The following VPS13B variants were observed in gnomAD, a reference collection of about 807,000 sequenced individuals.
VPS13B encodes the protein vacuolar protein sorting 13 homolog B.
Under a neutral mutation model 426.4 loss-of-function variants are expected in VPS13B, and 285 were observed. The ratio of observed to expected loss-of-function variants is 0.67; its 90% CI spans 0.61 to 0.74. The LOEUF (loss-of-function observed/expected upper bound fraction) is 0.74. Among genes scored for constraint, VPS13B ranks in the 30% least tolerant of loss-of-function variants. The pLI, the probability that VPS13B is intolerant of heterozygous loss-of-function variation, is 0.00. For missense variants in VPS13B, 4,537 were observed against 4,782.6 expected, an observed-to-expected ratio of 0.95 and a Z score of 1.51; for synonymous variants, 1,676 against 1,676.4, an observed-to-expected ratio of 1.00 and a Z score of 0.01.
chr8:99,497,115 ATATT>A (rs1226134008), intron 25 of VPS13B, among the ~76,000 whole-genome samples: 1 of 126,596 alleles, frequency 7.9e-6, no homozygotes, highest in East Asian at 2.1e-4. Flanking sequence ...ATATAAAAAT[ATATT>A]TATATATTTC....
At chr8:99,119,108 G>A (rs1200052404) in intron 7 of VPS13B, among the ~76,000 whole-genome samples, 1 of 151,890 alleles carries the variant, frequency 6.6e-6, no homozygotes, top group Non-Finnish European at 1.5e-5. Context: ...TTTTTAATTT[G>A]CATTTTTTGA....
intron 3 of VPS13B, among the ~76,000 whole-genome samples, chr8:99,084,782 C>T (rs1334149107): frequency 6.6e-6 from 1 of 152,156 alleles, no homozygotes; most frequent in Non-Finnish European, 1.5e-5. Flanking sequence ...GTTTCTGAAT[C>T]CTGAGTTCTA....
intron 17 of VPS13B, among the ~76,000 whole-genome samples, chr8:99,243,279 A>G (rs147230197): frequency 6.6e-6 from 1 of 152,338 alleles, no homozygotes; most frequent in Non-Finnish European, 1.5e-5. Context: ...GAGACAGACA[A>G]AATTCTAGCC....
chr8:99,029,486 T>C (rs964499311), intron 2 of VPS13B, among the ~76,000 whole-genome samples: 3 of 151,884 alleles, frequency 2.0e-5, no homozygotes, highest in African/African-American at 7.3e-5. Context: ...TGGGCACCAT[T>C]GAGCACTGAG....
chr8:99,263,730 C>T (rs937426694), intron 17 of VPS13B, among the ~76,000 whole-genome samples: 2 of 152,150 alleles, frequency 1.3e-5, no homozygotes, highest in African/African-American at 4.8e-5. Context: ...CTAGGATCAT[C>T]TCCCTATTTC....
intron 19 of VPS13B, among the ~76,000 whole-genome samples, chr8:99,333,260 T>C (rs1810643135): frequency 6.6e-6 from 1 of 151,734 alleles, no homozygotes; most frequent in Non-Finnish European, 1.5e-5. Flanking sequence ...TGGAGAAAGA[T>C]GTGCATGAAA....
chr8:99,620,041 C>T (rs900642900), intron 33 of VPS13B, among the ~76,000 whole-genome samples: 2 of 151,702 alleles, frequency 1.3e-5, no homozygotes, highest in African/African-American at 4.8e-5. Flanking sequence ...CCTGCTGAGG[C>T]CTGTGCTATC....
chr8:99,116,485 G>A (rs530520509), intron 7 of VPS13B, among the ~76,000 whole-genome samples: 4 of 152,290 alleles, frequency 2.6e-5, no homozygotes, highest in African/African-American at 9.6e-5. Context: ...CCAGGCTGGA[G>A]TGCAGTGGCA....
intron 25 of VPS13B, among the ~76,000 whole-genome samples, chr8:99,500,894 G>A (rs1821195738): frequency 6.6e-6 from 1 of 152,134 alleles, no homozygotes. Context: ...CCTGCTAAAA[G>A]CTGCTGAAAA....
intron 2 of VPS13B, among the ~76,000 whole-genome samples, chr8:99,028,982 G>T (rs1414164639): frequency 2.0e-5 from 3 of 150,448 alleles, no homozygotes; most frequent in African/African-American, 7.3e-5. Flanking sequence ...CTTCTCAGAC[G>T]GGGCGGCTGC....
chr8:99,018,741 T>G (rs1402589235), intron 2 of VPS13B, among the ~76,000 whole-genome samples: 2 of 151,680 alleles, frequency 1.3e-5, no homozygotes, highest in Non-Finnish European at 2.9e-5. Flanking sequence ...TAAATAACCT[T>G]TACTGAGTTG....
chr8:99,204,416 A>T (rs1431684876), intron 17 of VPS13B, among the ~76,000 whole-genome samples: 1 of 152,118 alleles, frequency 6.6e-6, no homozygotes, highest in Non-Finnish European at 1.5e-5. Context: ...CTAGAAGAAA[A>T]CCTAGGCAAT....
rs1004849916 is a variant in VPS13B at position 99,300,887 on chromosome 8, T to G, written c.2824+25633T>G. On this transcript the variant is annotated intron_variant, in intron 19 of 61. Coordinates refer to ENST00000357162, the MANE Select transcript of VPS13B (RefSeq NM_152564.5). ...ATCAGATTATTTAATATAGTTTTTT[T>G]TTTTTTTTTTTTGGTAAACCAAGTT... Among the ~76,000 whole-genome samples the G allele has an allele frequency of 3.3e-5, 5 of 151,190 alleles. No homozygotes were observed. The East Asian group carries it at 5.8e-4, about 18-fold the overall frequency.
intron 2 of VPS13B, among the ~76,000 whole-genome samples, chr8:99,018,868 TA>T (rs1271340502): frequency 1.3e-5 from 2 of 152,240 alleles, no homozygotes; most frequent in Non-Finnish European, 2.9e-5. Flanking sequence ...TTTATTTTGT[TA>T]ATGTGGTAAA....
intron 5 of VPS13B, among the ~76,000 whole-genome samples, chr8:99,103,800 A>C (rs1446395504): frequency 6.6e-6 from 1 of 151,780 alleles, no homozygotes; most frequent in Non-Finnish European, 1.5e-5. Context: ...CGCCTGGCCA[A>C]ATTTTTGTGT....
intron 3 of VPS13B, among the ~76,000 whole-genome samples, chr8:99,066,261 G>T (rs1844503203): frequency 6.6e-6 from 1 of 152,164 alleles, no homozygotes. Flanking sequence ...ATCCTACAAG[G>T]CTACAGTAAC....
intron 21 of VPS13B, among the ~76,000 whole-genome samples, chr8:99,430,625 G>A (rs1360493780): frequency 6.6e-6 from 1 of 151,702 alleles, no homozygotes; most frequent in African/African-American, 2.4e-5. Flanking sequence ...TATAGGGAGT[G>A]GAATATTACA....
chr8:99,707,219 C>T (rs1296763643), intron 36 of VPS13B, among the ~76,000 whole-genome samples: 1 of 152,106 alleles, frequency 6.6e-6, no homozygotes, highest in East Asian at 1.9e-4. Flanking sequence ...AATCTGCACC[C>T]CAGCCCTGCT....
At chr8:99,535,697 A>T (rs1180650736) in intron 30 of VPS13B, among the ~76,000 whole-genome samples, 1 of 152,152 alleles carries the variant, frequency 6.6e-6, no homozygotes, top group Non-Finnish European at 1.5e-5. Flanking sequence ...ATATATATAG[A>T]CATGTTATCA....
Sources: allele counts gnomAD v4.1 joint callset (sites outside exome capture counted in the v4.1 genomes callset), GRCh38; gene constraint gnomAD v4.1.1; transcripts MANE v1.5; gene names NCBI Gene and HGNC (gene_info 2026-07-23, HGNC 2026-07-21).